Variants in FAM151A observed in about 807,000 individuals in gnomAD.
The protein encoded by FAM151A is family with sequence similarity 151 member A.
A neutral mutation model predicts 40.4 loss-of-function variants in FAM151A; 41 were observed. The observed-to-expected ratio is 1.01, with a 90% confidence interval of 0.79 to 1.32. The LOEUF is 1.32. Ranked by LOEUF, FAM151A falls within the 40% of genes most tolerant of loss-of-function variation. The pLI is 0.00. For synonymous variants in FAM151A, 337 were observed against 312.5 expected (o/e 1.08, Z -0.83); for missense variants, 740 against 740.4 (o/e 1.00, Z 0.01).
At chr1:54,621,182 C>T (rs1299272169) in intron 1 of FAM151A, among the ~76,000 whole-genome samples, 4 of 149,564 alleles carry the variant, frequency 2.7e-5, no homozygotes, top group Non-Finnish European at 5.9e-5. Context: ...AAAACCTGCG[C>T]GCGGCGGCTG....
chr1:54,613,661 T>C (rs957170708), intron 4 of FAM151A, among the ~76,000 whole-genome samples: 4 of 152,210 alleles, frequency 2.6e-5, no homozygotes, highest in Non-Finnish European at 5.9e-5. Flanking sequence ...CTTCAAAAGA[T>C]GCAAACTTTA....
At chr1:54,617,045 C>T (rs539309336) in intron 2 of FAM151A, among the ~76,000 whole-genome samples, 198 of 152,274 alleles carry the variant, frequency 1.3e-3, no homozygotes, top group Middle Eastern at 6.8e-3. Context: ...AACTGCTTTC[C>T]GGAAAAGTTG....
In FAM151A at chr1:54,609,839, T is replaced by G; in HGVS notation, c.1187A>C (p.Glu396Ala). 1 of 1,614,132 alleles carries G rather than the reference T, an allele frequency of 6.2e-7. No individual in the cohort carries two copies. Among genetic ancestry groups the G allele is most frequent in the African/African-American group, 1.3e-5 (1 of 75,072 alleles). ...TGTGGCCAGCTGCTGCAGGCAGGAC[T>G]CCAGCGTCAGGATGTTGCCACTTGG... ...HTPSGNILTLESCLQQLATHP... is the reference protein window; with the variant it reads ...HTPSGNILTLASCLQQLATHP... Residue 396 changes from glutamate (E) to alanine (A), a missense_variant, in exon 8 of 8, where the codon GAG becomes GCG. Coordinates refer to ENST00000302250, the MANE Select transcript of FAM151A (RefSeq NM_176782.3).
intron 5 of FAM151A, among the ~76,000 whole-genome samples, chr1:54,612,216 A>G (rs1343940715): frequency 2.0e-5 from 3 of 151,638 alleles, no homozygotes; most frequent in Admixed American, 1.3e-4. Context: ...CTCCTATTGG[A>G]GGAAGCTGTG....
At chr1:54,621,784 A>G (rs1644232097) in intron 1 of FAM151A, 2 of 152,304 alleles carry the variant, frequency 1.3e-5, no homozygotes, top group South Asian at 4.1e-4. Flanking sequence ...CATGGTGGCT[A>G]CTCCAGGTAC....
In FAM151A at chr1:54,609,680, T is replaced by G. The variant is rs1644091458; in HGVS notation, c.1346A>C (p.His449Pro). The stretch of plus-strand genomic sequence containing the variant: ...ATGGCCGGGGACCGAAAAACTCCCG[T>G]GGGAGATTTTGGCCCCAACCCACAC... ...WPVWVGAKIS[H>P]GSFSVPGHVA... Residue 449 changes from histidine (H) to proline (P), a missense_variant, in exon 8 of 8, where the codon CAC becomes CCC. His to Pro is a moderately conservative substitution (Grantham distance 77). Transcript: ENST00000302250. 1 of 1,613,812 alleles carries G rather than the reference T, an allele frequency of 6.2e-7. No homozygotes were observed.
At chr1:54,610,989 T>G (rs977040109) in intron 6 of FAM151A, 9 of 985,266 alleles carry the variant, frequency 9.1e-6, no homozygotes, top group Non-Finnish European at 1.1e-5. Flanking sequence ...TAACCAGCAG[T>G]GGAGCTATGC....
In FAM151A at chr1:54,616,167, T is replaced by C. The variant is rs201533192; in HGVS notation, c.268A>G (p.Ile90Val). Residue 90 changes from isoleucine (I) to valine (V), a missense_variant, in exon 3 of 8, where the codon ATC (isoleucine) becomes GTC (valine). By Grantham distance (29) the Ile-to-Val change is conservative. Coordinates refer to ENST00000302250, the MANE Select transcript of FAM151A (RefSeq NM_176782.3). Reference sequence around the variant, plus strand: ...TTGACGTCAGCCTCCAGGACTGTGATGTTGCCTGTGGAAGGGGCAACAACT... The same window carrying C: ...TTGACGTCAGCCTCCAGGACTGTGACGTTGCCTGTGGAAGGGGCAACAACT... The part of the protein sequence containing the change: ...KAMTAALNSN[I>V]TVLEADVNVE... The C allele has an allele frequency of 4.3e-4, 700 of 1,613,474 alleles. 3 individuals are homozygous for C. The highest frequency in any genetic ancestry group is 3.1e-3 in the Middle Eastern group (19 of 6,054).
At chr1:54,614,559 C>T in intron 4 of FAM151A, 141 bp downstream of exon 4, 2 of 781,476 alleles carry the variant, frequency 2.6e-6, no homozygotes, top group Non-Finnish European at 3.9e-6. Context: ...GAAGAGGGAA[C>T]AGCATGTGCA....
intron 4 of FAM151A, among the ~76,000 whole-genome samples, chr1:54,614,449 G>A (rs377271697): frequency 2.0e-5 from 3 of 152,232 alleles, no homozygotes; most frequent in South Asian, 4.1e-4. Flanking sequence ...GGGTTGAGGG[G>A]CCCAGAGGAA....
In FAM151A at chr1:54,609,209, C is replaced by T; in HGVS notation, c.*59G>A. ...AGAAAGCCAAAGACCTTTATTTCTTCCTGCCTCCCCGTGGGAAGCCTCCGC... is the reference window on the plus strand; with the variant it reads ...AGAAAGCCAAAGACCTTTATTTCTTTCTGCCTCCCCGTGGGAAGCCTCCGC... On this transcript the variant is annotated 3_prime_UTR_variant, in exon 8 of 8. Transcript: ENST00000302250. 1.9e-6 allele frequency: 3 copies of T among 1,590,744 alleles called. No individual in the cohort carries two copies. Among genetic ancestry groups the T allele is most frequent in the African/African-American group, 2.7e-5 (2 of 74,522 alleles).
In FAM151A at chr1:54,616,332, G is replaced by A. The variant is rs146057570; in HGVS notation, c.263-160C>T. Among the ~76,000 whole-genome samples the A allele has an allele frequency of 1.8e-3, 275 of 151,978 alleles. 7 individuals are homozygous for A. Among genetic ancestry groups the A allele is most frequent in the Non-Finnish European group, 1.0e-4 (7 of 67,994 alleles). Reference sequence around the variant, plus strand: ...TTCCATCATAGTTTCACATTTCGATGATTTTTTTTCTTCCATTTTCTTCTA... The same window carrying A: ...TTCCATCATAGTTTCACATTTCGATAATTTTTTTTCTTCCATTTTCTTCTA... On this transcript the variant is annotated intron_variant, in intron 2 of 7. Transcript: ENST00000302250.
intron 2 of FAM151A, among the ~76,000 whole-genome samples, chr1:54,617,709 ATTTTTTTTTTTTTTTTTTTT>A (rs56229276): frequency 9.0e-5 from 5 of 55,768 alleles, no homozygotes; most frequent in African/African-American, 1.5e-4. Flanking sequence ...AGGGCCTGAG[ATTTTTTTTTTTTTTTTTTTT>A]TTTTTTTTTT....
chr1:54,611,428 G>A (rs896953469), intron 6 of FAM151A, among the ~76,000 whole-genome samples, 178 bp downstream of exon 6: 6 of 152,082 alleles, frequency 3.9e-5, no homozygotes, highest in African/African-American at 1.4e-4. Flanking sequence ...AAATAAAATG[G>A]ATGTTTGAAG....
In FAM151A at chr1:54,609,256, AC is replaced by A; in HGVS notation, c.*11del. 6.3e-7 allele frequency: 1 copy of A among 1,596,912 alleles called. No homozygotes were observed. The highest frequency in any genetic ancestry group is 8.6e-7 in the Non-Finnish European group (1 of 1,169,354). ...CCGCCCTGAGGTCCGCTGGCCCACC[AC>A]CCCTGGGTGCTCAGTTTCTACCAAC... On this transcript the variant is annotated 3_prime_UTR_variant, in exon 8 of 8. Coordinates refer to ENST00000302250, the MANE Select transcript of FAM151A (RefSeq NM_176782.3).
In FAM151A at chr1:54,615,892, A is replaced by G; in HGVS notation, c.415+128T>C. 2.1e-6 allele frequency: 2 copies of G among 941,258 alleles called. 1 individual carries two copies. The highest frequency in any genetic ancestry group is 3.3e-6 in the Non-Finnish European group (2 of 607,498). The allele number at this position is 941,258 out of a possible 1,614,324, so 58.3% of individuals were successfully genotyped here. ...GAGCCTGGGCATCTATAACATTGTG[A>G]TGAGAAAGCCAAGGCAATGAGCACC... On this transcript the variant is annotated intron_variant, in intron 3 of 7. Coordinates refer to ENST00000302250, the MANE Select transcript of FAM151A (RefSeq NM_176782.3).
At position 54,610,573 on chromosome 1, in the gene FAM151A, GC is replaced by G; in HGVS notation, c.941-19del. ...GGCATTCACTGTGGGGCCCCAAATC[GC>G]CAAGGTGAAGTGGCTGCCATTCACA... On this transcript the variant is annotated intron_variant, in intron 6 of 7. Transcript: ENST00000302250. 4.4e-6 allele frequency: 7 copies of G among 1,606,530 alleles called. No homozygotes were observed. Among genetic ancestry groups the G allele is most frequent in the Non-Finnish European group, 6.0e-6 (7 of 1,175,286 alleles).
At chr1:54,613,874 C>A (rs2101017629) in intron 4 of FAM151A, among the ~76,000 whole-genome samples, 1 of 152,230 alleles carries the variant, frequency 6.6e-6, no homozygotes, top group Admixed American at 6.5e-5. Context: ...GAGCCTGGAG[C>A]TTAGAATCAG....
intron 1 of FAM151A, among the ~76,000 whole-genome samples, chr1:54,622,612 G>A (rs1459984875): frequency 6.6e-6 from 1 of 151,760 alleles, no homozygotes; most frequent in Non-Finnish European, 1.5e-5. Flanking sequence ...GGTTGCACAC[G>A]CCTGTGATCC....
Sources: allele counts gnomAD v4.1 joint callset (sites outside exome capture counted in the v4.1 genomes callset), GRCh38; gene constraint gnomAD v4.1.1; transcripts MANE v1.5; gene names NCBI Gene and HGNC (gene_info 2026-07-23, HGNC 2026-07-21).